BORCS7: variants seen among roughly 807,000 people sequenced by gnomAD.
BORCS7 encodes BLOC-1-related complex subunit 7.
A neutral mutation model predicts 17.5 loss-of-function variants in BORCS7; 20 were observed. That is an observed-to-expected ratio of 1.14 (90% CI 0.80 to 1.66). BORCS7 has a LOEUF of 1.66. Among genes scored for constraint, BORCS7 ranks in the 40% most tolerant of loss-of-function variants. BORCS7 has a pLI of 0.00. For missense variants in BORCS7, 122 were observed against 129.7 expected, an observed-to-expected ratio of 0.94 and a Z score of 0.29; for synonymous variants, 57 against 49.8, an observed-to-expected ratio of 1.14 and a Z score of -0.61.
At chr10:102,858,852 A>C (rs939863067) in intron 1 of BORCS7, among the ~76,000 whole-genome samples, 2 of 151,860 alleles carry the variant, frequency 1.3e-5, no homozygotes, top group Non-Finnish European at 2.9e-5. Context: ...AAGTCACGCT[A>C]CCCTTTTCAC....
intron 1 of BORCS7, among the ~76,000 whole-genome samples, chr10:102,858,688 A>C (rs954347830): frequency 1.3e-5 from 2 of 152,120 alleles, no homozygotes; most frequent in African/African-American, 4.8e-5. Context: ...ATAGTTTTGC[A>C]TATGGGGGAG....
chr10:102,858,929 A>G, intron 1 of BORCS7, among the ~76,000 whole-genome samples: 1 of 151,814 alleles, frequency 6.6e-6, no homozygotes. Flanking sequence ...AGCTCCTTTT[A>G]CTTGGCTGAA....
intron 4 of BORCS7, among the ~76,000 whole-genome samples, chr10:102,862,452 T>C (rs1222585168): frequency 1.3e-5 from 2 of 152,236 alleles, no homozygotes; most frequent in Non-Finnish European, 2.9e-5. Flanking sequence ...ATTGGTAATA[T>C]TCATTAAGCA....
In BORCS7 at chr10:102,863,813, T is replaced by G. The variant is rs186856196; in HGVS notation, c.*889T>G. 4 of 152,358 alleles carry G rather than the reference T, an allele frequency of 2.6e-5. No individual in the cohort carries two copies. Among genetic ancestry groups the G allele is most frequent in the African/African-American group, 9.6e-5 (4 of 41,592 alleles). The allele number at this position is 152,358 out of a possible 1,614,324, so 9.4% of individuals were successfully genotyped here. On this transcript the variant is annotated 3_prime_UTR_variant, in exon 5 of 5. Transcript: ENST00000339834. Reference sequence around the variant, plus strand: ...CAAGTGGTATCATTATCAGGCCAGCTGCAGCCTCTTGCCTTGACCTGCATT... The same window carrying G: ...CAAGTGGTATCATTATCAGGCCAGCGGCAGCCTCTTGCCTTGACCTGCATT...
chr10:102,854,934 A>G (rs1032298056), intron 1 of BORCS7, among the ~76,000 whole-genome samples: 1 of 146,944 alleles, frequency 6.8e-6, no homozygotes, highest in African/African-American at 2.5e-5. Flanking sequence ...GTGTATGTAT[A>G]TATTACATAT....
In BORCS7 at chr10:102,859,646, A is replaced by C. The variant is rs187357834; in HGVS notation, c.142-686A>C. On this transcript the variant is annotated intron_variant, in intron 1 of 4. Transcript: ENST00000339834. ...AGTGGTGAGATCTTGGCTCACTGCAACTTTCGCCTCCTGGGTTCAAGCAAT... is the reference window on the plus strand; with the variant it reads ...AGTGGTGAGATCTTGGCTCACTGCACCTTTCGCCTCCTGGGTTCAAGCAAT... Among the ~76,000 whole-genome samples the C allele has an allele frequency of 8.7e-4, 131 of 150,166 alleles. 1 individual carries two copies. Among genetic ancestry groups the C allele is most frequent in the Non-Finnish European group, 2.8e-4 (19 of 67,592 alleles).
chr10:102,854,509 A>G (rs1406984007), intron 1 of BORCS7, 82 bp downstream of exon 1: 2 of 1,457,190 alleles, frequency 1.4e-6, no homozygotes, highest in East Asian at 2.5e-5. Flanking sequence ...GTCGCGTTGC[A>G]TCTTGGGAAT....
In BORCS7 at chr10:102,864,293, ATTAAC is replaced by A. The variant is rs1316466742; in HGVS notation, c.*1374_*1378del. 5 of 152,356 alleles carry A rather than the reference ATTAAC, an allele frequency of 3.3e-5. No individual in the cohort carries two copies. In the South Asian group the frequency reaches 8.3e-4, roughly 25 times the overall value. The allele number at this position is 152,356 out of a possible 1,614,324, so 9.4% of individuals were successfully genotyped here. A position where few individuals can be genotyped will look rare whatever the true frequency, so the allele number is the denominator to read the frequency against. Reference sequence around the variant, plus strand: ...ACGTTTATTTCTCATACATATGGATATTAACTTAAGGTAAAAAAGCTGGATGTGAA... The same window carrying A: ...ACGTTTATTTCTCATACATATGGATATTAAGGTAAAAAAGCTGGATGTGAA... On this transcript the variant is annotated 3_prime_UTR_variant, in exon 5 of 5. Coordinates refer to ENST00000339834, the MANE Select transcript of BORCS7 (RefSeq NM_001136200.2).
intron 2 of BORCS7, 24 bp downstream of exon 2, chr10:102,860,418 A>G (rs779347527): frequency 1.9e-5 from 31 of 1,611,554 alleles, no homozygotes. Context: ...TTTTTTTTTA[A>G]TGATTTGGGT....
intron 4 of BORCS7, 73 bp downstream of exon 4, chr10:102,862,253 A>G: frequency 7.0e-7 from 1 of 1,436,224 alleles, no homozygotes; most frequent in East Asian, 2.3e-5. Flanking sequence ...TGCTGGGTCC[A>G]GAATCAATAC....
At chr10:102,860,593 C>G (rs976511241) in intron 3 of BORCS7, 52 bp downstream of exon 3, 6 of 1,578,064 alleles carry the variant, frequency 3.8e-6, no homozygotes, top group African/African-American at 1.3e-5. Context: ...TATCCCTGGT[C>G]TGCTTTCATG....
In BORCS7 at chr10:102,855,829, C is replaced by T. The variant is rs562096849; in HGVS notation, c.141+1402C>T. Among the ~76,000 whole-genome samples, 18 of 152,144 alleles carry T rather than the reference C, an allele frequency of 1.2e-4. No individual in the cohort carries two copies. The South Asian group carries it at 3.3e-3, about 28-fold the overall frequency. ...AGGCTAAAGTGCAGTGGCCCGATCTCGGGCTCACTGCAACCTCTGCCTCCT... is the reference window on the plus strand; with the variant it reads ...AGGCTAAAGTGCAGTGGCCCGATCTTGGGCTCACTGCAACCTCTGCCTCCT... On this transcript the variant is annotated intron_variant, in intron 1 of 4. Coordinates refer to ENST00000339834, the MANE Select transcript of BORCS7 (RefSeq NM_001136200.2).
intron 1 of BORCS7, among the ~76,000 whole-genome samples, chr10:102,856,280 C>T (rs1275770052): frequency 6.6e-6 from 1 of 151,770 alleles, no homozygotes; most frequent in Admixed American, 6.6e-5. Flanking sequence ...GGGCTGGGCG[C>T]AGTGGCTCAT....
chr10:102,854,415 C>T lies in BORCS7; in HGVS notation c.129C>T (p.Ser43=), dbSNP rs1052552430. ...TCACCAAGCAGGTGCTGAAAGGCTCCCGGAGCTCCGAGGTGAGCTGGAAGT... is the reference window on the plus strand; with the variant it reads ...TCACCAAGCAGGTGCTGAAAGGCTCTCGGAGCTCCGAGGTGAGCTGGAAGT... The part of the protein sequence containing the change: ...IALTKQVLKG[S]RSSELLGQAA... Residue 43 remains serine (S), a synonymous_variant, in exon 1 of 5, where the codon TCC becomes TCT. Transcript: ENST00000339834. 2.6e-6 allele frequency: 4 copies of T among 1,539,822 alleles called. No individual in the cohort carries two copies. The highest frequency in any genetic ancestry group is 3.5e-6 in the Non-Finnish European group (4 of 1,136,618).
chr10:102,862,243 T>G (rs1844534197), intron 4 of BORCS7, 63 bp downstream of exon 4: 3 of 1,501,942 alleles, frequency 2.0e-6, no homozygotes, highest in Non-Finnish European at 1.8e-6. Flanking sequence ...GGATTTATAC[T>G]GCTGGGTCCA....
At chr10:102,854,934 ATATT>A (rs1844400278) in intron 1 of BORCS7, among the ~76,000 whole-genome samples, 1 of 146,944 alleles carries the variant, frequency 6.8e-6, no homozygotes, top group African/African-American at 2.5e-5. Context: ...GTGTATGTAT[ATATT>A]ACATATATAA....
chr10:102,861,975 A>T (rs1470645798), intron 3 of BORCS7, among the ~76,000 whole-genome samples, 185 bp from the exon 4 acceptor site: 1 of 152,154 alleles, frequency 6.6e-6, no homozygotes, highest in South Asian at 2.1e-4. Flanking sequence ...TTTAGATTCC[A>T]TCTTTTCAGC....
rs1844529861 is a variant in BORCS7 at position 102,862,059 on chromosome 10, GAC to G, written c.249-99_249-98del. 4.5e-6 allele frequency: 5 copies of G among 1,113,946 alleles called. No homozygotes were observed. The South Asian group carries it at 7.1e-5, about 16-fold the overall frequency. 69.0% of individuals were successfully genotyped at this position (1,113,946 alleles called of 1,614,324 possible). A position where few individuals can be genotyped will look rare whatever the true frequency, so the allele number is the denominator to read the frequency against. Reference sequence around the variant, plus strand: ...TAGGATGGACAGAAATACAGGATGTGACATAAGCTGAAATTTCTTCTGCCTAT... The same window carrying G: ...TAGGATGGACAGAAATACAGGATGTGATAAGCTGAAATTTCTTCTGCCTAT... On this transcript the variant is annotated intron_variant, in intron 3 of 4. Coordinates refer to ENST00000339834, the MANE Select transcript of BORCS7 (RefSeq NM_001136200.2).
chr10:102,856,713 G>C (rs1844432536), intron 1 of BORCS7, among the ~76,000 whole-genome samples: 1 of 152,182 alleles, frequency 6.6e-6, no homozygotes, highest in Non-Finnish European at 1.5e-5. Flanking sequence ...TTTAAAGAAA[G>C]CAAAACTAGA....
Sources: gnomAD v4.1 joint callset for allele counts (sites outside exome capture counted in the v4.1 genomes callset) on GRCh38, gnomAD v4.1.1 for gene constraint, MANE v1.5 for transcripts, NCBI Gene and HGNC (gene_info 2026-07-23, HGNC 2026-07-21) for gene names.